MYO5A: variants seen among roughly 807,000 people sequenced by gnomAD.
The protein encoded by MYO5A is unconventional myosin-Va.
A neutral mutation model predicts 249.7 loss-of-function variants in MYO5A; 98 were observed. That is an observed-to-expected ratio of 0.39 (90% CI 0.33 to 0.46). The LOEUF is 0.46. MYO5A is among the 20% of genes least tolerant of loss of function. The probability of loss-of-function intolerance (pLI) is 0.98; values close to 1 mark genes in which losing one functional copy is unlikely to be tolerated. For synonymous variants in MYO5A, 778 were observed against 810.6 expected, an observed-to-expected ratio of 0.96 and a Z score of 0.68; for missense variants, 1,696 against 2,308.8, an observed-to-expected ratio of 0.73 and a Z score of 5.44.
chr15:52,495,510 T>C (rs1458859428), intron 1 of MYO5A, among the ~76,000 whole-genome samples: 2 of 152,172 alleles, frequency 1.3e-5, no homozygotes, highest in East Asian at 1.9e-4. Flanking sequence ...AATAACAATA[T>C]ATTGTATATC....
At chr15:52,447,861 T>C (rs568127182) in intron 1 of MYO5A, among the ~76,000 whole-genome samples, 3 of 152,336 alleles carry the variant, frequency 2.0e-5, no homozygotes, top group Admixed American at 2.0e-4. Flanking sequence ...AAGAAATTTC[T>C]AAGCAGCAAA....
chr15:52,402,808 G>A (rs995041149), intron 9 of MYO5A, among the ~76,000 whole-genome samples: 1 of 151,992 alleles, frequency 6.6e-6, no homozygotes, highest in Non-Finnish European at 1.5e-5. Flanking sequence ...TCGCATCACT[G>A]CACTCCAGAC....
In MYO5A at chr15:52,379,850, G is replaced by A. The variant is rs768378080; in HGVS notation, c.2071C>T (p.Arg691Ter). 3.1e-6 allele frequency: 5 copies of A among 1,614,100 alleles called. No individual in the cohort carries two copies. The highest frequency in any genetic ancestry group is 3.4e-6 in the Non-Finnish European group (4 of 1,180,008). ...GAGGGGAAACCGGCCGCACTGATTC[G>A]GATGGTTTCCAGGACACCACATGCT... ...LRACGVLETI[R>*]ISAAGFPSRW... The change falls in exon 17 of 42, where the codon CGA (arginine) becomes TGA (stop). Residue 691 changes from arginine to a stop codon, truncating the protein, a stop_gained. Transcript: ENST00000399233. LOFTEE classifies it high-confidence loss of function.
intron 36 of MYO5A, among the ~76,000 whole-genome samples, chr15:52,325,116 G>A (rs569508062): frequency 6.6e-6 from 1 of 152,282 alleles, no homozygotes; most frequent in South Asian, 2.1e-4. Flanking sequence ...ACTGTTCCTA[G>A]TGGATGCTCT....
intron 5 of MYO5A, among the ~76,000 whole-genome samples, chr15:52,411,627 C>A (rs968171720): frequency 7.9e-5 from 12 of 151,568 alleles, no homozygotes; most frequent in African/African-American, 2.7e-4. Flanking sequence ...AAATTAATAT[C>A]TTTCACTTGT....
chr15:52,379,548 C>T, intron 18 of MYO5A, 77 bp downstream of exon 18: 1 of 1,324,234 alleles, frequency 7.6e-7, no homozygotes, highest in East Asian at 2.3e-5. Flanking sequence ...AAATGTTATA[C>T]AAAAGTTCCC....
chr15:52,482,766 C>A (rs912759957), intron 1 of MYO5A, among the ~76,000 whole-genome samples: 2 of 151,970 alleles, frequency 1.3e-5, no homozygotes, highest in African/African-American at 4.8e-5. Flanking sequence ...AGAGGAGTTG[C>A]GGCAGCTCAA....
At chr15:52,504,971 G>C (rs1306885896) in intron 1 of MYO5A, among the ~76,000 whole-genome samples, 1 of 152,090 alleles carries the variant, frequency 6.6e-6, no homozygotes, top group Non-Finnish European at 1.5e-5. Flanking sequence ...GTCCAGAGAA[G>C]GTTATCTCGG....
chr15:52,463,323 A>C (rs984747539), intron 1 of MYO5A, among the ~76,000 whole-genome samples: 1 of 152,160 alleles, frequency 6.6e-6, no homozygotes. Flanking sequence ...GTCTGTAAAA[A>C]CTAAGAAAGG....
chr15:52,367,403 C>T (rs2040862296), intron 22 of MYO5A, among the ~76,000 whole-genome samples: 2 of 152,148 alleles, frequency 1.3e-5, no homozygotes, highest in African/African-American at 2.4e-5. Context: ...TCCTCTTTTC[C>T]AGAATAGACT....
At position 52,410,349 on chromosome 15, in the gene MYO5A, G is replaced by C. The variant is rs776975716; in HGVS notation, c.740C>G (p.Ser247Cys). Residue 247 changes from serine to cysteine, a missense_variant, in exon 6 of 42, where the codon TCC (serine) becomes TGC (cysteine). Around this residue, in one of 5 missense-constraint regions of MYO5A, gnomAD observed 197 missense variants for 320.3 expected, o/e 0.62. Transcript: ENST00000399233. ...CCAGCTTACCTGGAATACCACTCTG[G>C]ATTTCTCTAAAAGATAAGTTCTCAT... Reference protein sequence around the residue: ...ANMRTYLLEKSRVVFQAEEER... With the variant: ...ANMRTYLLEKCRVVFQAEEER... 2 of 1,613,710 alleles carry C rather than the reference G, an allele frequency of 1.2e-6. No individual in the cohort carries two copies. The highest frequency in any genetic ancestry group is 1.7e-6 in the Non-Finnish European group (2 of 1,179,784).
chr15:52,411,158 T>C (rs2043231368), intron 5 of MYO5A, among the ~76,000 whole-genome samples: 1 of 152,200 alleles, frequency 6.6e-6, no homozygotes, highest in Non-Finnish European at 1.5e-5. Flanking sequence ...GTTTTTATTT[T>C]TTTCCAAAAA....
chr15:52,452,160 A>G (rs892391480), intron 1 of MYO5A, among the ~76,000 whole-genome samples: 6 of 152,178 alleles, frequency 3.9e-5, no homozygotes, highest in Non-Finnish European at 5.9e-5. Flanking sequence ...CAAAAATATA[A>G]TGCCAAGATT....
intron 19 of MYO5A, 37 bp downstream of exon 19, chr15:52,376,310 T>C: frequency 6.3e-7 from 1 of 1,595,802 alleles, no homozygotes; most frequent in Non-Finnish European, 8.6e-7. Flanking sequence ...GGACAGTGAA[T>C]TAGATGGGCA....
intron 1 of MYO5A, among the ~76,000 whole-genome samples, chr15:52,436,559 C>G (rs761102371): frequency 1.3e-5 from 2 of 152,210 alleles, no homozygotes; most frequent in Non-Finnish European, 2.9e-5. Context: ...TTCTTCAGCA[C>G]TCTTATTCAC....
chr15:52,408,565 C>T (rs2043109622), intron 6 of MYO5A, among the ~76,000 whole-genome samples: 1 of 152,118 alleles, frequency 6.6e-6, no homozygotes, highest in African/African-American at 2.4e-5. Context: ...ACTGGACCAT[C>T]TACTGTGGTT....
intron 1 of MYO5A, among the ~76,000 whole-genome samples, chr15:52,444,422 A>C (rs1239498885): frequency 6.6e-6 from 1 of 152,218 alleles, no homozygotes; most frequent in Non-Finnish European, 1.5e-5. Context: ...AAAAGTCCTA[A>C]CTTTACTTAA....
intron 6 of MYO5A, among the ~76,000 whole-genome samples, chr15:52,409,285 T>A (rs2043144258): frequency 6.6e-6 from 1 of 152,090 alleles, no homozygotes; most frequent in Non-Finnish European, 1.5e-5. Flanking sequence ...ACTCTAATAT[T>A]TGAATCTTCC....
rs983750277 is a variant in MYO5A, at chr15:52,307,348, C to G, written c.*6348G>C. 5 of 151,284 alleles carry G rather than the reference C, an allele frequency of 3.3e-5. No individual in the cohort carries two copies. The highest frequency in any genetic ancestry group is 3.5e-3 in the Middle Eastern group (1 of 288). 9.4% of individuals were successfully genotyped at this position (151,284 alleles called of 1,614,324 possible). On this transcript the variant is annotated 3_prime_UTR_variant, in exon 42 of 42. Transcript: ENST00000399233. ...CTAGGAGAATACAGCATTAATGACA[C>G]ACATTTACTAAGCACAACAATGGAC...
Sources: allele counts gnomAD v4.1 joint callset (sites outside exome capture counted in the v4.1 genomes callset), GRCh38; gene constraint gnomAD v4.1.1; regional missense constraint gnomAD v4.1.1; transcripts MANE v1.5; gene names NCBI Gene and HGNC (gene_info 2026-07-23, HGNC 2026-07-21).